Variants in CPA6 observed in about 807,000 individuals in gnomAD.
CPA6 encodes the protein carboxypeptidase A6.
CPA6 carries 58 observed loss-of-function variants against 63.3 expected under a neutral mutation model. The ratio of observed to expected loss-of-function variants is 0.92; its 90% confidence interval spans 0.74 to 1.14. The LOEUF (loss-of-function observed/expected upper bound fraction) is 1.14, where lower values mean the gene tolerates loss of function less well. Among genes scored for constraint, CPA6 ranks in the 50% most tolerant of loss-of-function variants. The probability of loss-of-function intolerance (pLI) is 0.00; values close to 1 mark genes in which losing one functional copy is unlikely to be tolerated. For missense variants in CPA6, 565 were observed against 526.6 expected (o/e 1.07, Z -0.71); for synonymous variants, 185 against 179.0 (o/e 1.03, Z -0.27).
intron 2 of CPA6, among the ~76,000 whole-genome samples, chr8:67,594,309 C>A (rs1337046915): frequency 2.6e-5 from 4 of 152,014 alleles, no homozygotes; most frequent in Non-Finnish European, 4.4e-5. Context: ...CTCTGGCTGC[C>A]CTTAACATTT....
chr8:67,681,555 T>C (rs1816599384), intron 1 of CPA6, among the ~76,000 whole-genome samples: 1 of 152,236 alleles, frequency 6.6e-6, no homozygotes, highest in Non-Finnish European at 1.5e-5. Context: ...TTTTAAGTTT[T>C]GCTTACAATC....
At chr8:67,687,159 A>G (rs1235852822) in intron 1 of CPA6, among the ~76,000 whole-genome samples, 1 of 152,194 alleles carries the variant, frequency 6.6e-6, no homozygotes, top group Non-Finnish European at 1.5e-5. Context: ...TAGGAATCTC[A>G]CAGCATTTTT....
intron 1 of CPA6, among the ~76,000 whole-genome samples, chr8:67,631,525 C>T (rs1272769148): frequency 6.6e-6 from 1 of 152,092 alleles, no homozygotes; most frequent in African/African-American, 2.4e-5. Context: ...CAATCAGCAC[C>T]GTCAAAACGG....
rs866911356 is a variant in CPA6 at position 67,743,454 on chromosome 8, G to A, written c.116+2560C>T. 8.5e-5 allele frequency among the ~76,000 whole-genome samples: 13 copies of A among 152,144 alleles called. 1 individual carries two copies. Among genetic ancestry groups the A allele is most frequent in the East Asian group, 1.9e-4 (1 of 5,188 alleles). On this transcript the variant is annotated intron_variant, in intron 1 of 10. Coordinates refer to ENST00000297770, the MANE Select transcript of CPA6 (RefSeq NM_020361.5). ...GAATGGGGTATCTATCCCCTTAAGC[G>A]TTTATTCTCTGTGTTACAACAATTC...
chr8:67,519,928 T>A (rs565654735), intron 2 of CPA6, among the ~76,000 whole-genome samples: 27 of 152,268 alleles, frequency 1.8e-4, no homozygotes, highest in African/African-American at 3.8e-4. Flanking sequence ...TCTATTTTTT[T>A]ATTTATTTTT....
chr8:67,578,734 T>G (rs1436537540), intron 2 of CPA6, among the ~76,000 whole-genome samples: 2 of 152,186 alleles, frequency 1.3e-5, no homozygotes, highest in Non-Finnish European at 2.9e-5. Context: ...AAAAACATCA[T>G]TTACATAATA....
At chr8:67,728,726 A>G (rs966817149) in intron 1 of CPA6, among the ~76,000 whole-genome samples, 1 of 152,226 alleles carries the variant, frequency 6.6e-6, no homozygotes, top group Non-Finnish European at 1.5e-5. Context: ...AACTTATTCA[A>G]TATTAGTTCT....
At chr8:67,449,337 G>A (rs528876943) in intron 8 of CPA6, among the ~76,000 whole-genome samples, 146 of 152,302 alleles carry the variant, frequency 9.6e-4, no homozygotes, top group Admixed American at 1.8e-3. Flanking sequence ...CTATTCTCAC[G>A]TTGTTACCCT....
intron 1 of CPA6, among the ~76,000 whole-genome samples, chr8:67,689,695 G>C (rs1000766560): frequency 6.6e-6 from 1 of 152,128 alleles, no homozygotes; most frequent in East Asian, 1.9e-4. Context: ...CCAAGCTTGA[G>C]TACATGTCTT....
chr8:67,624,204 G>T lies in CPA6; in HGVS notation c.164C>A (p.Ala55Glu). 1 of 1,548,456 alleles carries T rather than the reference G, an allele frequency of 6.5e-7. No individual in the cohort carries two copies. Among genetic ancestry groups the T allele is most frequent in the Non-Finnish European group, 8.9e-7 (1 of 1,122,754 alleles). The change falls in exon 2 of 11, where the codon GCA becomes GAA. Residue 55 changes from alanine (A) to glutamate (E), a missense_variant. Physicochemically the swap from Ala to Glu is moderately radical, Grantham distance 107. Coordinates refer to ENST00000297770, the MANE Select transcript of CPA6 (RefSeq NM_020361.5). The part of the protein sequence containing the change: ...FIPKTEEEAY[A>E]LKKISYQLKV... ...AAGTTGATAGGATATTTTCTTCAGT[G>T]CATATGCTTCCTCTTCTGTTTTGGG...
intron 2 of CPA6, among the ~76,000 whole-genome samples, chr8:67,538,686 G>A (rs1263453444): frequency 1.3e-5 from 2 of 151,812 alleles, no homozygotes; most frequent in Non-Finnish European, 2.9e-5. Context: ...TCTTGACGGA[G>A]TCTTGCTCTG....
intron 1 of CPA6, among the ~76,000 whole-genome samples, chr8:67,624,661 A>T (rs1815157581): frequency 6.6e-6 from 1 of 152,138 alleles, no homozygotes; most frequent in Admixed American, 6.5e-5. Flanking sequence ...CAGTGAGAGG[A>T]TGTGAAATCC....
intron 8 of CPA6, among the ~76,000 whole-genome samples, chr8:67,476,912 G>A (rs908561559): frequency 6.6e-6 from 1 of 152,168 alleles, no homozygotes; most frequent in African/African-American, 2.4e-5. Context: ...AGAAGTGCCA[G>A]CCATGTATCA....
intron 2 of CPA6, among the ~76,000 whole-genome samples, chr8:67,525,338 C>T (rs1812339451): frequency 6.6e-6 from 1 of 152,128 alleles, no homozygotes; most frequent in African/African-American, 2.4e-5. Context: ...AATATATCAA[C>T]TAACAACTAA....
At chr8:67,704,067 G>C (rs549259510) in intron 1 of CPA6, among the ~76,000 whole-genome samples, 176 of 152,112 alleles carry the variant, frequency 1.2e-3, no homozygotes, top group Non-Finnish European at 1.9e-3. Context: ...TTTATGTCAG[G>C]TGGGCAAATA....
At chr8:67,535,815 C>T (rs1812572746) in intron 2 of CPA6, among the ~76,000 whole-genome samples, 1 of 152,146 alleles carries the variant, frequency 6.6e-6, no homozygotes, top group Non-Finnish European at 1.5e-5. Context: ...CCTAGGTTTT[C>T]TTCTAGGGTT....
Position 67,475,862 on chromosome 8 carries a change from TC to T in CPA6, c.838+7905del, listed in dbSNP as rs1342245312. On this transcript the variant is annotated intron_variant, in intron 8 of 10. Coordinates refer to ENST00000297770, the MANE Select transcript of CPA6 (RefSeq NM_020361.5). The stretch of plus-strand genomic sequence containing the variant: ...TTCTTTCTTTCTTTCTTTCTTTCTT[TC>T]TTTCTTTCTTTCTTTCTCCTTTCTT... 2.1e-3 allele frequency among the ~76,000 whole-genome samples: 209 copies of T among 100,166 alleles called. 9 individuals are homozygous for T. Among genetic ancestry groups the T allele is most frequent in the African/African-American group, 4.8e-3 (116 of 23,922 alleles). 65.7% of individuals were successfully genotyped at this position (100,166 alleles called of 152,430 possible). A position where few individuals can be genotyped will look rare whatever the true frequency, so the allele number is the denominator to read the frequency against.
intron 1 of CPA6, among the ~76,000 whole-genome samples, chr8:67,644,460 G>C (rs1815669597): frequency 6.6e-6 from 1 of 152,182 alleles, no homozygotes; most frequent in Non-Finnish European, 1.5e-5. Flanking sequence ...GGGTAAAATA[G>C]CAGGGTGTGT....
chr8:67,627,961 T>C (rs995333270), intron 1 of CPA6, among the ~76,000 whole-genome samples: 2 of 152,170 alleles, frequency 1.3e-5, no homozygotes, highest in Admixed American at 1.3e-4. Context: ...TCTCCAACTC[T>C]ATATTATGTC....
Sources: allele counts gnomAD v4.1 joint callset (sites outside exome capture counted in the v4.1 genomes callset), GRCh38; gene constraint gnomAD v4.1.1; transcripts MANE v1.5; gene names NCBI Gene and HGNC (gene_info 2026-07-23, HGNC 2026-07-21).